ACAD11: variants seen among roughly 807,000 people sequenced by gnomAD.
The protein encoded by ACAD11 is acyl-Coenzyme A dehydrogenase family, member 11.
Under a neutral mutation model 102.2 loss-of-function variants are expected in ACAD11, and 83 were observed. The observed-to-expected ratio is 0.81, with a 90% CI of 0.68 to 0.97. The LOEUF (loss-of-function observed/expected upper bound fraction) is 0.97. Ranked by LOEUF, ACAD11 falls within the 50% of genes least tolerant of loss-of-function variation. The pLI is 0.00. For missense variants in ACAD11, 901 were observed against 951.7 expected (o/e 0.95, Z 0.70); for synonymous variants, 324 against 319.8 (o/e 1.01, Z -0.14).
chr3:132,655,235 T>C (rs1442300837), intron 1 of ACAD11, among the ~76,000 whole-genome samples: 1 of 152,236 alleles, frequency 6.6e-6, no homozygotes, highest in African/African-American at 2.4e-5. Context: ...AACACTGTAA[T>C]ACATTGGTGT....
At chr3:132,563,728 A>T (rs1236555012) in intron 17 of ACAD11, among the ~76,000 whole-genome samples, 1 of 152,180 alleles carries the variant, frequency 6.6e-6, no homozygotes. Flanking sequence ...ATCTACAAGC[A>T]GGCCCAGTTT....
chr3:132,606,026 G>T (rs1938822318), intron 11 of ACAD11, among the ~76,000 whole-genome samples: 1 of 152,196 alleles, frequency 6.6e-6, no homozygotes, highest in South Asian at 2.1e-4. Context: ...CTTCATGACT[G>T]CCATGGAGTA....
intron 9 of ACAD11, among the ~76,000 whole-genome samples, chr3:132,625,573 A>C (rs1194839292): frequency 1.3e-5 from 2 of 152,194 alleles, no homozygotes; most frequent in Non-Finnish European, 2.9e-5. Flanking sequence ...AGAGGTGACT[A>C]TTTTAGAAAG....
chr3:132,625,841 T>C (rs1194200152), intron 9 of ACAD11, among the ~76,000 whole-genome samples: 1 of 152,134 alleles, frequency 6.6e-6, no homozygotes, highest in African/African-American at 2.4e-5. Context: ...TGAGAATGTG[T>C]TATATATTTA....
rs765659704 is a variant in ACAD11 at position 132,644,791 on chromosome 3, C to T, written c.249+6G>A. ...AAGAATTTATCATTACATTTGTATA[C>T]TATACCTGATGTGCTTTAGGAAGAA... On this transcript the variant is annotated splice_donor_region_variant and intron_variant, in intron 2 of 19. Coordinates refer to ENST00000264990, the MANE Select transcript of ACAD11 (RefSeq NM_032169.5). 7 of 1,581,070 alleles carry T rather than the reference C, an allele frequency of 4.4e-6. No individual in the cohort carries two copies. Among genetic ancestry groups the T allele is most frequent in the Middle Eastern group, 1.7e-4 (1 of 5,972 alleles).
chr3:132,614,080 C>A (rs1039265816), intron 11 of ACAD11, among the ~76,000 whole-genome samples: 36 of 151,864 alleles, frequency 2.4e-4, no homozygotes, highest in African/African-American at 8.5e-4. Flanking sequence ...ACAATTGCTA[C>A]AAAGAGAATA....
intron 9 of ACAD11, among the ~76,000 whole-genome samples, chr3:132,625,583 G>T (rs1267644613): frequency 3.9e-5 from 6 of 152,000 alleles, no homozygotes; most frequent in African/African-American, 1.5e-4. Flanking sequence ...ATTTTAGAAA[G>T]AATTTCCTCA....
intron 7 of ACAD11, 89 bp from the exon 8 acceptor site, chr3:132,628,535 CATT>C: frequency 1.2e-6 from 1 of 866,428 alleles, no homozygotes; most frequent in African/African-American, 1.7e-5. Context: ...TTATATGTGA[CATT>C]ATACTCACAG....
At chr3:132,613,274 C>G (rs772095910) in intron 11 of ACAD11, among the ~76,000 whole-genome samples, 1 of 151,506 alleles carries the variant, frequency 6.6e-6, no homozygotes, top group African/African-American at 2.4e-5. Flanking sequence ...ATACCTAATG[C>G]TAAATGACGA....
intron 11 of ACAD11, among the ~76,000 whole-genome samples, chr3:132,610,084 C>T (rs1053213864): frequency 1.3e-5 from 2 of 152,130 alleles, no homozygotes; most frequent in African/African-American, 4.8e-5. Flanking sequence ...AACACCCCTT[C>T]ATGCAAAAAC....
intron 12 of ACAD11, among the ~76,000 whole-genome samples, chr3:132,603,815 T>A (rs539480651): frequency 6.6e-6 from 1 of 152,318 alleles, no homozygotes; most frequent in African/African-American, 2.4e-5. Flanking sequence ...CTTAAGGTCT[T>A]CAGAAAGTTC....
intron 13 of ACAD11, among the ~76,000 whole-genome samples, chr3:132,602,703 T>C (rs1162810656): frequency 6.6e-6 from 1 of 152,242 alleles, no homozygotes; most frequent in East Asian, 1.9e-4. Context: ...TTTTCTGCTC[T>C]TAAACATCAC....
chr3:132,559,293 A>C (rs1936976079), intron 19 of ACAD11, among the ~76,000 whole-genome samples: 1 of 152,176 alleles, frequency 6.6e-6, no homozygotes, highest in African/African-American at 2.4e-5. Flanking sequence ...TTAAATGCCA[A>C]AGTACAGTGG....
At chr3:132,659,580 G>C (rs1489607557) in intron 1 of ACAD11, 23 bp downstream of exon 1, 1 of 1,606,514 alleles carries the variant, frequency 6.2e-7, no homozygotes, top group South Asian at 1.1e-5. Context: ...TTTTCCGCTG[G>C]AGGCAAAGGC....
intron 17 of ACAD11, among the ~76,000 whole-genome samples, chr3:132,566,480 G>A (rs546116863): frequency 5.9e-5 from 9 of 152,154 alleles, no homozygotes; most frequent in Middle Eastern, 6.8e-3. Context: ...TCAAGAAGCT[G>A]GGTGAATCCC....
intron 9 of ACAD11, among the ~76,000 whole-genome samples, chr3:132,623,728 T>C (rs185925955): frequency 5.8e-4 from 88 of 152,338 alleles, no homozygotes; most frequent in African/African-American, 1.0e-3. Context: ...AATAGCTGCA[T>C]GACACAAAGT....
Position 132,630,512 on chromosome 3 carries a change from C to G in ACAD11, c.888G>C (p.Arg296Ser). The G allele has an allele frequency of 6.2e-7, 1 of 1,612,296 alleles. No individual in the cohort carries two copies. Among genetic ancestry groups the G allele is most frequent in the Non-Finnish European group, 8.5e-7 (1 of 1,178,984 alleles). The change falls in exon 7 of 20, where the codon AGG (arginine) becomes AGC (serine). Residue 296 changes from arginine (R) to serine (S), a missense_variant. Coordinates refer to ENST00000264990, the MANE Select transcript of ACAD11 (RefSeq NM_032169.5). ...EELISIYCRCRGINSILPNWN... is the reference protein window; with the variant it reads ...EELISIYCRCSGINSILPNWN... Reference sequence around the variant, plus strand: ...AGTTAGGAAGAATAGAATTAATTCCCCTGCAGCGGCAATATATTGAAATCA... The same window carrying G: ...AGTTAGGAAGAATAGAATTAATTCCGCTGCAGCGGCAATATATTGAAATCA...
chr3:132,645,337 G>A (rs1202098270), intron 1 of ACAD11, among the ~76,000 whole-genome samples: 2 of 152,184 alleles, frequency 1.3e-5, no homozygotes, highest in East Asian at 1.9e-4. Context: ...ACCCTCATAA[G>A]TGTCAACAAG....
At chr3:132,635,827 T>C (rs537201622) in intron 5 of ACAD11, among the ~76,000 whole-genome samples, 1 of 152,116 alleles carries the variant, frequency 6.6e-6, no homozygotes, top group East Asian at 1.9e-4. Flanking sequence ...TATGACTTTA[T>C]AAGAGCTTTT....
Sources: gnomAD v4.1 joint callset for allele counts (sites outside exome capture counted in the v4.1 genomes callset) on GRCh38, gnomAD v4.1.1 for gene constraint, MANE v1.5 for transcripts, NCBI Gene and HGNC (gene_info 2026-07-23, HGNC 2026-07-21) for gene names.